Variants in PCNT observed in about 807,000 individuals in gnomAD.
PCNT encodes kendrin.
Under a neutral mutation model 380.4 loss-of-function variants are expected in PCNT, and 319 were observed. That is an observed-to-expected ratio of 0.84 (90% CI 0.77 to 0.92). The LOEUF (loss-of-function observed/expected upper bound fraction) is 0.92, where lower values mean the gene tolerates loss of function less well. Ranked by LOEUF, PCNT falls within the 40% of genes least tolerant of loss-of-function variation. PCNT has a pLI of 0.00. For synonymous variants in PCNT, 1,845 were observed against 1,735.2 expected, an observed-to-expected ratio of 1.06 and a Z score of -1.57; for missense variants, 4,400 against 4,255.3, an observed-to-expected ratio of 1.03 and a Z score of -0.95.
At position 46,386,449 on chromosome 21, in the gene PCNT, C is replaced by T. The variant is rs1006326228; in HGVS notation, c.3464+466C>T. Reference sequence around the variant, plus strand: ...TTCTGAGACCGGCCCAAGCAGGGGCCGTAGCCCTGTCCGTTCCTTTCTCCA... The same window carrying T: ...TTCTGAGACCGGCCCAAGCAGGGGCTGTAGCCCTGTCCGTTCCTTTCTCCA... On this transcript the variant is annotated intron_variant, in intron 17 of 46. Transcript: ENST00000359568. 4.6e-5 allele frequency among the ~76,000 whole-genome samples: 7 copies of T among 152,224 alleles called. No individual in the cohort carries two copies. In the South Asian group the frequency reaches 6.2e-4, roughly 14 times the overall value.
chr21:46,370,989 C>T (rs1251275246), intron 15 of PCNT, among the ~76,000 whole-genome samples: 2 of 152,100 alleles, frequency 1.3e-5, no homozygotes, highest in East Asian at 1.9e-4. Context: ...GAGCTGAGAT[C>T]GCGCCATTGC....
rs2073374 is a variant in PCNT, at chr21:46,427,938, T to C, written c.7494+143T>C. ...GGAATGTGGCTGTCACTTACCCAGG[T>C]GTTGACGCTCAGTCCATGCAGGATG... On this transcript the variant is annotated intron_variant, in intron 34 of 46. Transcript: ENST00000359568. The C allele has an allele frequency of 0.64, 561,759 of 877,492 alleles. 183,023 individuals carry two copies. The highest frequency in any genetic ancestry group is 0.84 in the African/African-American group (51,300 of 60,718). 54.4% of individuals were successfully genotyped at this position (877,492 alleles called of 1,614,324 possible).
At chr21:46,434,413 TG>T (rs1323046259) in intron 38 of PCNT, among the ~76,000 whole-genome samples, 1 of 152,150 alleles carries the variant, frequency 6.6e-6, no homozygotes, top group East Asian at 1.9e-4. Context: ...CTCAGCTCAG[TG>T]CTGGGGTTCC....
At position 46,430,203 on chromosome 21, in the gene PCNT, C is replaced by G; in HGVS notation, c.7884C>G (p.Cys2628Trp). The change falls in exon 36 of 47, where the codon TGC (cysteine) becomes TGG (tryptophan). Residue 2628 changes from cysteine to tryptophan, a missense_variant. Coordinates refer to ENST00000359568, the MANE Select transcript of PCNT (RefSeq NM_006031.6). ...GCGAACAGCTGTCCCGGTCCCTCTG[C>G]GAGGTGCAGCAGGAGGTCCTCCAGC... Reference protein sequence around the residue: ...QKSEQLSRSLCEVQQEVLQLR... With the variant: ...QKSEQLSRSLWEVQQEVLQLR... The G allele has an allele frequency of 6.2e-7, 1 of 1,613,820 alleles. No individual in the cohort carries two copies. The highest frequency in any genetic ancestry group is 2.2e-5 in the East Asian group (1 of 44,878).
At chr21:46,422,841 G>A (rs116897909) in intron 32 of PCNT, among the ~76,000 whole-genome samples, 2,281 of 152,348 alleles carry the variant, frequency 0.015, 24 homozygotes, top group Non-Finnish European at 0.025. Flanking sequence ...CGCAGCTCCC[G>A]TTGTCTCAGA....
intron 21 of PCNT, 70 bp downstream of exon 21, chr21:46,391,446 G>A (rs2086030399): frequency 6.2e-6 from 8 of 1,291,504 alleles, no homozygotes; most frequent in Non-Finnish European, 8.6e-6. Flanking sequence ...GGTTTCCCCA[G>A]CTCCCAAGGA....
Position 46,441,025 on chromosome 21 carries a change from C to A in PCNT, c.9564C>A (p.Ile3188=), listed in dbSNP as rs201798996. ...GVFPSKAERK[I]TSRPFTRFRT... ...TTCCTTCCAAAGCAGAACGGAAAAT[C>A]ACATCTCGTCCTTTCACCAGGTTCC... Residue 3188 remains isoleucine (I), a synonymous_variant, in exon 43 of 47, where the codon ATC becomes ATA. Coordinates refer to ENST00000359568, the MANE Select transcript of PCNT (RefSeq NM_006031.6). The A allele has an allele frequency of 1.9e-6, 3 of 1,614,006 alleles. No homozygotes were observed. In the Admixed American group the frequency reaches 5.0e-5, roughly 27 times the overall value.
Position 46,334,764 on chromosome 21 carries a change from C to T in PCNT, c.635C>T (p.Thr212Ile). ...DHPAEQRGMF[T>I]KECEQECELA... ...CCAGCAGAACAGCGTGGGATGTTCA[C>T]AAAGGTATTCTTTAAGTTCTCTGTT... The change falls in exon 3 of 47, where the codon ACA (threonine) becomes ATA (isoleucine). Residue 212 changes from threonine to isoleucine, a missense_variant. Coordinates refer to ENST00000359568, the MANE Select transcript of PCNT (RefSeq NM_006031.6). The T allele has an allele frequency of 1.2e-6, 2 of 1,614,260 alleles. No individual in the cohort carries two copies. Among genetic ancestry groups the T allele is most frequent in the Non-Finnish European group, 1.7e-6 (2 of 1,180,040 alleles).
At chr21:46,397,525 A>G (rs2086248640) in intron 22 of PCNT, 31 bp downstream of exon 22, 2 of 1,577,536 alleles carry the variant, frequency 1.3e-6, no homozygotes, top group Admixed American at 1.7e-5. Flanking sequence ...ATTTTTTTGC[A>G]TCACTAAAAG....
rs201444423 is a variant in PCNT at position 46,443,970 on chromosome 21, C to A, written c.9839+22C>A. On this transcript the variant is annotated intron_variant, in intron 45 of 46. Coordinates refer to ENST00000359568, the MANE Select transcript of PCNT (RefSeq NM_006031.6). ...GAAGGTCAGTGTGATGCCTTCAGGC[C>A]CCGTCTCCTGCCAGGGCTCTCCCTC... 30 of 1,607,616 alleles carry A rather than the reference C, an allele frequency of 1.9e-5. No individual in the cohort carries two copies. In the African/African-American group the frequency reaches 3.5e-4, roughly 19 times the overall value.
intron 15 of PCNT, among the ~76,000 whole-genome samples, chr21:46,378,723 G>T (rs180827839): frequency 1.1e-4 from 17 of 152,294 alleles, no homozygotes; most frequent in Non-Finnish European, 1.5e-4. Flanking sequence ...TTTTCTTAGC[G>T]CTTGCCCTGA....
intron 39 of PCNT, among the ~76,000 whole-genome samples, chr21:46,436,615 A>G (rs1236587544): frequency 6.6e-6 from 1 of 152,190 alleles, no homozygotes; most frequent in Non-Finnish European, 1.5e-5. Context: ...CGGCAAACAC[A>G]GTTCTCCTTT....
Position 46,432,207 on chromosome 21 carries a change from G to A in PCNT, c.8743G>A (p.Glu2915Lys), listed in dbSNP as rs2087797432. The A allele has an allele frequency of 6.2e-7, 1 of 1,609,468 alleles. No homozygotes were observed. Among genetic ancestry groups the A allele is most frequent in the Non-Finnish European group, 8.5e-7 (1 of 1,178,748 alleles). Residue 2915 changes from glutamate to lysine, a missense_variant, in exon 38 of 47, where the codon GAG (glutamate) becomes AAG (lysine). Physicochemically the swap from Glu to Lys is moderately conservative, Grantham distance 56. Transcript: ENST00000359568. ...GTGGAGGAAGTGGCAGAGAGACAAG[G>A]AGAAGCTGGTGAGAGCCGCCTGCCG... ...EQWRKWQRDK[E>K]KLRELELQRQ... is the part of the protein sequence containing the mutation.
At chr21:46,431,421 A>G in intron 37 of PCNT, 108 bp from the exon 38 acceptor site, 1 of 1,585,670 alleles carries the variant, frequency 6.3e-7, no homozygotes, top group South Asian at 1.1e-5. Context: ...TGCATTTCAA[A>G]AGGTAGAATT....
At position 46,345,318 on chromosome 21, in the gene PCNT, A is replaced by G. The variant is rs575208554; in HGVS notation, c.640-810A>G. Among the ~76,000 whole-genome samples, 444 of 152,144 alleles carry G rather than the reference A, an allele frequency of 2.9e-3. 2 individuals carry two copies. The highest frequency in any genetic ancestry group is 0.02 in the Middle Eastern group (6 of 294). Reference sequence around the variant, plus strand: ...CTGCAACCTCTGCCTTCCAGGTTCAAGTGATCCTCCTGCCTCAGCCTCCCA... The same window carrying G: ...CTGCAACCTCTGCCTTCCAGGTTCAGGTGATCCTCCTGCCTCAGCCTCCCA... On this transcript the variant is annotated intron_variant, in intron 3 of 46. Transcript: ENST00000359568.
rs1433624573 is a variant in PCNT, at chr21:46,383,342, G to A, written c.3312+1502G>A. On this transcript the variant is annotated intron_variant, in intron 16 of 46. Coordinates refer to ENST00000359568, the MANE Select transcript of PCNT (RefSeq NM_006031.6). The stretch of plus-strand genomic sequence containing the variant: ...CGTTCAGTGGCAGAAGCACATTCAC[G>A]GTGTGCATTCAGTGGCGGAAGCGCA... Among the ~76,000 whole-genome samples the A allele has an allele frequency of 9.7e-5, 14 of 144,130 alleles. 1 individual carries two copies. The highest frequency in any genetic ancestry group is 4.3e-4 in the East Asian group (2 of 4,650). 94.6% of individuals were successfully genotyped at this position (144,130 alleles called of 152,430 possible). A position where few individuals can be genotyped will look rare whatever the true frequency, so the allele number is the denominator to read the frequency against.
intron 13 of PCNT, among the ~76,000 whole-genome samples, chr21:46,359,697 C>T (rs1304328073): frequency 6.9e-6 from 1 of 144,094 alleles, no homozygotes; most frequent in African/African-American, 2.6e-5. Flanking sequence ...TTATGTTGGC[C>T]GGGCTGGTCT....
rs780112087 is a variant in PCNT, at chr21:46,353,097, G to A, written c.1457-7G>A. On this transcript the variant is annotated splice_polypyrimidine_tract_variant and splice_region_variant and intron_variant, in intron 9 of 46. Transcript: ENST00000359568. ...TAAGACGATTGCCTGACTCCGTTAT[G>A]TTGCAGAGCTACATGAGCAACTCCT... 8 of 1,611,638 alleles carry A rather than the reference G, an allele frequency of 5.0e-6. No individual in the cohort carries two copies. The Admixed American group carries it at 1.2e-4, about 24-fold the overall frequency.
chr21:46,387,962 G>C (rs963205296), intron 17 of PCNT, among the ~76,000 whole-genome samples: 3 of 152,276 alleles, frequency 2.0e-5, no homozygotes, highest in South Asian at 2.1e-4. Flanking sequence ...TGTAATCCCA[G>C]CACTTTGGGA....
Sources: gnomAD v4.1 joint callset for allele counts (sites outside exome capture counted in the v4.1 genomes callset) on GRCh38, gnomAD v4.1.1 for gene constraint, MANE v1.5 for transcripts, NCBI Gene and HGNC (gene_info 2026-07-23, HGNC 2026-07-21) for gene names.